MAST4: variants seen among roughly 807,000 people sequenced by gnomAD.
MAST4 encodes the protein microtubule associated serine/threonine kinase family member 4, also known as microtubule-associated serine/threonine-protein kinase 4.
MAST4 carries 89 observed loss-of-function variants against 162.7 expected under a neutral mutation model. The ratio of observed to expected loss-of-function variants is 0.55; its 90% CI spans 0.46 to 0.65. MAST4 has a LOEUF of 0.65. Among genes scored for constraint, MAST4 ranks in the 30% least tolerant of loss-of-function variants. The probability of loss-of-function intolerance (pLI) is 0.00; values close to 1 mark genes in which losing one functional copy is unlikely to be tolerated. For missense variants in MAST4, 3,153 were observed against 3,374.0 expected, an observed-to-expected ratio of 0.93 and a Z score of 1.62; for synonymous variants, 1,479 against 1,361.1, an observed-to-expected ratio of 1.09 and a Z score of -1.91.
At chr5:66,996,084 C>T (rs1272304830) in intron 4 of MAST4, among the ~76,000 whole-genome samples, 1 of 152,070 alleles carries the variant, frequency 6.6e-6, no homozygotes, top group East Asian at 1.9e-4. Context: ...TTGAGACCAG[C>T]CTGGCCAACA....
intron 4 of MAST4, among the ~76,000 whole-genome samples, chr5:67,008,342 G>A (rs1033229827): frequency 2.0e-5 from 3 of 152,152 alleles, no homozygotes; most frequent in African/African-American, 7.2e-5. Flanking sequence ...AAATTAGTTG[G>A]CCTGCATTCA....
intron 4 of MAST4, among the ~76,000 whole-genome samples, chr5:66,906,321 A>G (rs895740701): frequency 6.6e-6 from 1 of 152,184 alleles, no homozygotes; most frequent in Non-Finnish European, 1.5e-5. Flanking sequence ...TGGCTGAAAA[A>G]GGGGGATTCG....
chr5:66,714,111 C>G (rs190117920), intron 1 of MAST4, among the ~76,000 whole-genome samples: 1 of 152,312 alleles, frequency 6.6e-6, no homozygotes, highest in East Asian at 1.9e-4. Context: ...AACACCAAGT[C>G]CCTCTACTTA....
chr5:66,672,287 C>A (rs10041441), intron 1 of MAST4, among the ~76,000 whole-genome samples: 7,434 of 152,244 alleles, frequency 0.049, 632 homozygotes, highest in African/African-American at 0.17. Context: ...GAAGCATCAT[C>A]TTTTCATCAG....
chr5:67,014,523 G>A (rs149083385), intron 4 of MAST4, among the ~76,000 whole-genome samples: 2 of 152,274 alleles, frequency 1.3e-5, no homozygotes, highest in South Asian at 2.1e-4. Context: ...TATTTGAACC[G>A]TGGAATAAAA....
chr5:67,164,741 C>T lies in MAST4; in HGVS notation c.5562C>T (p.Thr1854=), dbSNP rs750343963. The change falls in exon 29 of 29, where the codon ACC becomes ACT. Residue 1854 remains threonine (T), a synonymous_variant. Coordinates refer to ENST00000403625, the MANE Select transcript of MAST4 (RefSeq NM_001164664.2). The surrounding 1 kb of genome is among the most constrained non-coding windows in gnomAD (Gnocchi z 5.3). ...GCAGTGGGAAAAAGAACGATACCAC[C>T]AGTGCAAGAGAGCTTTCTCCTTCCA... The part of the protein sequence containing the change: ...PSSSGKKNDT[T]SARELSPSSL... 6.2e-7 allele frequency: 1 copy of T among 1,614,002 alleles called. No homozygotes were observed. Among genetic ancestry groups the T allele is most frequent in the Non-Finnish European group, 8.5e-7 (1 of 1,179,874 alleles).
chr5:66,668,277 C>T (rs74809339), intron 1 of MAST4, among the ~76,000 whole-genome samples: 3,932 of 152,224 alleles, frequency 0.026, 185 homozygotes, highest in African/African-American at 0.088. Context: ...TATTTTATCC[C>T]GAGAGTCTTG....
chr5:67,122,652 A>C (rs1475671772), intron 14 of MAST4, among the ~76,000 whole-genome samples: 1 of 152,204 alleles, frequency 6.6e-6, no homozygotes, highest in Non-Finnish European at 1.5e-5. Context: ...GGGTTTGAGC[A>C]CTGCTAGTTT....
At chr5:66,847,820 C>CAAAAAAAAAAAAAAAAAAAA (rs777825639) in intron 3 of MAST4, among the ~76,000 whole-genome samples, 12 of 54,142 alleles carry the variant, frequency 2.2e-4, no homozygotes, top group African/African-American at 1.0e-3. Context: ...GACTCCTTCT[C>CAAAAAAAAAAAAAAAAAAAA]AAAAAAAAAA....
At chr5:66,888,773 G>A (rs889477874) in intron 3 of MAST4, among the ~76,000 whole-genome samples, 5 of 152,198 alleles carry the variant, frequency 3.3e-5, no homozygotes, top group Admixed American at 2.6e-4. Context: ...ATTGGCTGTG[G>A]ATTGGACAGT....
chr5:66,637,225 T>C (rs998278277), intron 1 of MAST4, among the ~76,000 whole-genome samples: 1 of 140,918 alleles, frequency 7.1e-6, no homozygotes, highest in East Asian at 2.2e-4. Flanking sequence ...CTATTGGGCA[T>C]AGGATTATTT....
At chr5:66,760,826 G>C (rs1248153721) in intron 2 of MAST4, among the ~76,000 whole-genome samples, 1 of 151,548 alleles carries the variant, frequency 6.6e-6, no homozygotes, top group Non-Finnish European at 1.5e-5. Flanking sequence ...GAATGATATT[G>C]AATGTTCCCA....
chr5:66,841,714 T>G (rs531888655), intron 3 of MAST4, among the ~76,000 whole-genome samples: 1 of 152,282 alleles, frequency 6.6e-6, no homozygotes, highest in Non-Finnish European at 1.5e-5. Context: ...TACCATCACT[T>G]TGTGGATTAG....
At chr5:66,752,674 A>G (rs1277709778) in intron 1 of MAST4, among the ~76,000 whole-genome samples, 2,157 of 148,732 alleles carry the variant, frequency 0.015, 44 homozygotes, top group African/African-American at 0.051. Context: ...AAAGAGACTT[A>G]GACTCCCACA....
intron 2 of MAST4, among the ~76,000 whole-genome samples, chr5:66,774,970 T>A (rs1431901795): frequency 6.6e-6 from 1 of 151,102 alleles, no homozygotes; most frequent in African/African-American, 2.4e-5. Context: ...GCATTACACA[T>A]AGACATTCGT....
chr5:67,149,964 G>C (rs1050628028), intron 24 of MAST4, among the ~76,000 whole-genome samples: 3 of 151,938 alleles, frequency 2.0e-5, no homozygotes, highest in Non-Finnish European at 4.4e-5. Context: ...ACACTTTATA[G>C]AGCTGTTTAC....
chr5:66,855,156 G>A (rs752921412), intron 3 of MAST4, among the ~76,000 whole-genome samples: 5 of 152,200 alleles, frequency 3.3e-5, no homozygotes, highest in Non-Finnish European at 5.9e-5. Context: ...GTTGGATTGT[G>A]GGGTGGGATC....
intron 4 of MAST4, among the ~76,000 whole-genome samples, chr5:67,017,860 G>A (rs937662444): frequency 2.6e-5 from 4 of 152,222 alleles, no homozygotes; most frequent in East Asian, 3.9e-4. Flanking sequence ...GCCTCCCAAA[G>A]TGCAGGGATT....
chr5:66,960,972 C>CT (rs1402963074), intron 4 of MAST4, among the ~76,000 whole-genome samples: 7 of 152,158 alleles, frequency 4.6e-5, no homozygotes, highest in Non-Finnish European at 7.4e-5. Flanking sequence ...CTTCTATCCT[C>CT]TTATCTTGGT....
Sources: gnomAD v4.1 joint callset for allele counts (sites outside exome capture counted in the v4.1 genomes callset) on GRCh38, gnomAD v4.1.1 for gene constraint, Gnocchi (gnomAD v3.1) non-coding constraint, MANE v1.5 for transcripts, NCBI Gene and HGNC (gene_info 2026-07-23, HGNC 2026-07-21) for gene names.